The following CTDSPL variants were observed in gnomAD, a reference collection of about 807,000 sequenced individuals.
The protein encoded by CTDSPL is CTD small phosphatase-like protein.
A neutral mutation model predicts 30.5 loss-of-function variants in CTDSPL; 8 were observed. The observed-to-expected ratio is 0.26, with a 90% confidence interval of 0.15 to 0.47. The LOEUF is 0.47. CTDSPL is among the 20% of genes least tolerant of loss of function. The pLI, the probability that CTDSPL is intolerant of heterozygous loss-of-function variation, is 0.99. For synonymous variants in CTDSPL, 110 were observed against 137.9 expected (o/e 0.80, Z 1.42); for missense variants, 248 against 366.1 (o/e 0.68, Z 2.63).
At chr3:37,863,243 C>T (rs1401828972) in intron 1 of CTDSPL, among the ~76,000 whole-genome samples, 1 of 152,190 alleles carries the variant, frequency 6.6e-6, no homozygotes, top group Admixed American at 6.5e-5. Flanking sequence ...CTTATAGTGC[C>T]AGGAGTGTCC....
chr3:37,880,678 G>A (rs568702686), intron 1 of CTDSPL, among the ~76,000 whole-genome samples: 13 of 152,298 alleles, frequency 8.5e-5, no homozygotes, highest in Non-Finnish European at 1.8e-4. Flanking sequence ...GAAATTCTGG[G>A]AGAAATGATA....
intron 2 of CTDSPL, among the ~76,000 whole-genome samples, chr3:37,950,439 T>C (rs1485060208): frequency 1.3e-5 from 2 of 152,192 alleles, no homozygotes; most frequent in Admixed American, 6.5e-5. Flanking sequence ...AGTACAAAAG[T>C]AACATTTGGA....
At chr3:37,873,750 A>G (rs751949346) in intron 1 of CTDSPL, among the ~76,000 whole-genome samples, 1 of 152,224 alleles carries the variant, frequency 6.6e-6, no homozygotes, top group South Asian at 2.1e-4. Flanking sequence ...TAAAAGTCAA[A>G]TTCAGTTAGT....
intron 1 of CTDSPL, among the ~76,000 whole-genome samples, chr3:37,927,811 T>C (rs1222334793): frequency 6.6e-6 from 1 of 151,948 alleles, no homozygotes; most frequent in South Asian, 2.1e-4. Context: ...TTTCATTGAC[T>C]GAAACTCTAG....
At chr3:37,955,632 G>A (rs375866524) in intron 2 of CTDSPL, among the ~76,000 whole-genome samples, 20 of 152,258 alleles carry the variant, frequency 1.3e-4, no homozygotes, top group African/African-American at 4.8e-4. Flanking sequence ...ATAAGTGAGA[G>A]CTAAACACTG....
intron 5 of CTDSPL, among the ~76,000 whole-genome samples, chr3:37,968,900 C>T (rs573679271): frequency 1.2e-4 from 19 of 152,302 alleles, no homozygotes; most frequent in East Asian, 3.9e-4. Flanking sequence ...TTTCCTGATA[C>T]GCAAGTCCCT....
At chr3:37,954,975 G>A (rs1699154451) in intron 2 of CTDSPL, 1 of 152,202 alleles carries the variant, frequency 6.6e-6, no homozygotes, top group South Asian at 2.1e-4. Flanking sequence ...CTTGCTCATA[G>A]TGGGCATTTT....
chr3:37,928,412 A>G (rs945982250), intron 1 of CTDSPL, among the ~76,000 whole-genome samples: 34 of 152,166 alleles, frequency 2.2e-4, no homozygotes, highest in African/African-American at 7.7e-4. Context: ...TCTGTTTTTG[A>G]TGGTGGCCAG....
intron 4 of CTDSPL, among the ~76,000 whole-genome samples, chr3:37,966,922 G>A (rs529134026): frequency 1.1e-4 from 16 of 152,196 alleles, no homozygotes; most frequent in African/African-American, 3.4e-4. Flanking sequence ...AGTTGGGCCT[G>A]TTCATTTAAG....
At chr3:37,944,013 G>A (rs1699008875) in intron 1 of CTDSPL, among the ~76,000 whole-genome samples, 1 of 150,218 alleles carries the variant, frequency 6.7e-6, no homozygotes, top group Admixed American at 6.7e-5. Context: ...TGAGAACACT[G>A]CTGTTGCCTG....
intron 1 of CTDSPL, among the ~76,000 whole-genome samples, chr3:37,931,995 G>T (rs1698860902): frequency 6.6e-6 from 1 of 151,890 alleles, no homozygotes; most frequent in Non-Finnish European, 1.5e-5. Flanking sequence ...GGAAAAAAAA[G>T]TAAAAGGGAG....
chr3:37,910,519 C>T (rs556548930), intron 1 of CTDSPL, among the ~76,000 whole-genome samples: 1 of 151,916 alleles, frequency 6.6e-6, no homozygotes, highest in African/African-American at 2.4e-5. Context: ...ACAAAAAAAA[C>T]CAGTCTGAAT....
chr3:37,978,376 T>A (rs1699452965), intron 7 of CTDSPL, among the ~76,000 whole-genome samples: 1 of 152,222 alleles, frequency 6.6e-6, no homozygotes, highest in Non-Finnish European at 1.5e-5. Flanking sequence ...GATTTTGGAT[T>A]TTTTAGGATT....
In CTDSPL at chr3:37,980,890, G is replaced by A. The variant is rs774112951; in HGVS notation, c.*23G>A. On this transcript the variant is annotated 3_prime_UTR_variant, in exon 8 of 8. Transcript: ENST00000273179. ...TAGCCCTGGCCTCTGCCTGCCTCCCGCCTGTGCACTCTGGAACCTCTGGCC... is the reference window on the plus strand; with the variant it reads ...TAGCCCTGGCCTCTGCCTGCCTCCCACCTGTGCACTCTGGAACCTCTGGCC... 1.2e-5 allele frequency: 19 copies of A among 1,609,084 alleles called. No homozygotes were observed. In the African/African-American group the frequency reaches 1.5e-4, roughly 12 times the overall value.
chr3:37,940,238 C>T (rs574918654), intron 1 of CTDSPL, among the ~76,000 whole-genome samples: 5 of 150,742 alleles, frequency 3.3e-5, no homozygotes, highest in African/African-American at 1.2e-4. Context: ...AATGTCTCTC[C>T]TGCTAGATGT....
At chr3:37,954,598 G>A (rs1318735184) in intron 2 of CTDSPL, 1 of 152,304 alleles carries the variant, frequency 6.6e-6, no homozygotes, top group Non-Finnish European at 1.5e-5. Context: ...GGAAGGCCAT[G>A]GACAGAATGG....
chr3:37,871,212 T>C (rs1172055588), intron 1 of CTDSPL, among the ~76,000 whole-genome samples: 3 of 152,212 alleles, frequency 2.0e-5, no homozygotes, highest in African/African-American at 7.2e-5. Flanking sequence ...TCATATAGTA[T>C]GTAGCCATTT....
chr3:37,866,038 T>C (rs1698005704), intron 1 of CTDSPL, among the ~76,000 whole-genome samples: 1 of 152,240 alleles, frequency 6.6e-6, no homozygotes, highest in African/African-American at 2.4e-5. Context: ...GTTCTACTTC[T>C]GAGTTTCTGT....
chr3:37,901,464 CAG>C (rs1298197466), intron 1 of CTDSPL, among the ~76,000 whole-genome samples: 4 of 152,204 alleles, frequency 2.6e-5, no homozygotes, highest in African/African-American at 9.7e-5. Flanking sequence ...TCCTCAGAAA[CAG>C]AGACACCTCT....
Sources: gnomAD v4.1 joint callset for allele counts (sites outside exome capture counted in the v4.1 genomes callset) on GRCh38, gnomAD v4.1.1 for gene constraint, MANE v1.5 for transcripts, NCBI Gene and HGNC (gene_info 2026-07-23, HGNC 2026-07-21) for gene names.